The following ADAMTS16 variants were observed in gnomAD, a reference collection of about 807,000 sequenced individuals.
ADAMTS16 encodes A disintegrin and metalloproteinase with thrombospondin motifs 16.
ADAMTS16 carries 94 observed loss-of-function variants against 145.8 expected under a neutral mutation model. The observed-to-expected ratio is 0.64, with a 90% CI of 0.55 to 0.77. The LOEUF (loss-of-function observed/expected upper bound fraction) is 0.77, where lower values mean the gene tolerates loss of function less well. Among genes scored for constraint, ADAMTS16 ranks in the 30% least tolerant of loss-of-function variants. ADAMTS16 has a pLI of 0.00. For synonymous variants in ADAMTS16, 659 were observed against 604.3 expected (o/e 1.09, Z -1.33); for missense variants, 1,585 against 1,591.5 (o/e 1.00, Z 0.07).
chr5:5,312,448 ATT>A (rs11458204), intron 21 of ADAMTS16, among the ~76,000 whole-genome samples: 27 of 134,400 alleles, frequency 2.0e-4, no homozygotes, highest in South Asian at 9.5e-4. Context: ...TGTTGTTGTT[ATT>A]TTTTTTTTTT....
chr5:5,314,767 G>A (rs1246238658), intron 21 of ADAMTS16, among the ~76,000 whole-genome samples: 3 of 152,122 alleles, frequency 2.0e-5, no homozygotes, highest in South Asian at 2.1e-4. Context: ...ATCTGGGAAC[G>A]GCACCGATTC....
chr5:5,186,765 A>C (rs1437896593), intron 5 of ADAMTS16, among the ~76,000 whole-genome samples: 2 of 152,268 alleles, frequency 1.3e-5, no homozygotes, highest in Non-Finnish European at 2.9e-5. Context: ...CAGCTGTATT[A>C]ATCACTGAAG....
chr5:5,318,775 G>T (rs954128160), intron 22 of ADAMTS16, among the ~76,000 whole-genome samples: 3 of 152,178 alleles, frequency 2.0e-5, no homozygotes, highest in African/African-American at 7.2e-5. Flanking sequence ...AGGCTCCAAT[G>T]GGTAGATGCG....
Position 5,310,986 on chromosome 5 carries a change from G to C in ADAMTS16, c.3411+4258G>C, listed in dbSNP as rs984923242. On this transcript the variant is annotated intron_variant, in intron 21 of 22. Coordinates refer to ENST00000274181, the MANE Select transcript of ADAMTS16 (RefSeq NM_139056.4). The surrounding 1 kb of genome is among the most constrained non-coding windows in gnomAD (Gnocchi z 4.3). Reference sequence around the variant, plus strand: ...AGGACCAGAGATATGTGAGCAGCAGGGGCTGGATCTCACTGAATGCCCGTG... The same window carrying C: ...AGGACCAGAGATATGTGAGCAGCAGCGGCTGGATCTCACTGAATGCCCGTG... Among the ~76,000 whole-genome samples, 2 of 152,014 alleles carry C rather than the reference G, an allele frequency of 1.3e-5. No individual in the cohort carries two copies. Among genetic ancestry groups the C allele is most frequent in the Admixed American group, 6.6e-5 (1 of 15,258 alleles).
At chr5:5,253,965 A>AGCTTG (rs1737706322) in intron 17 of ADAMTS16, among the ~76,000 whole-genome samples, 1 of 152,168 alleles carries the variant, frequency 6.6e-6, no homozygotes, top group Admixed American at 6.5e-5. Flanking sequence ...CCCAGGAAAG[A>AGCTTG]GCTTGTGTCT....
chr5:5,182,258 G>T lies in ADAMTS16; in HGVS notation c.716G>T (p.Arg239Leu), dbSNP rs747859566. The change falls in exon 4 of 23, where the codon CGC becomes CTC. Residue 239 changes from arginine to leucine, a missense_variant. Arg to Leu is a moderately radical substitution (Grantham distance 102). This residue lies in a region of ADAMTS16 where 453 missense variants were observed against 412.1 expected (regional missense o/e 1.10). Transcript: ENST00000274181. ...CAACCCCTGCACAGCAGCGACCTTC[G>T]CCTGGGACTGCCACAAAAGCAGCAT... ...AHQPLHSSDL[R>L]LGLPQKQHFC... The T allele has an allele frequency of 1.2e-6, 2 of 1,613,814 alleles. No individual in the cohort carries two copies. Among genetic ancestry groups the T allele is most frequent in the Non-Finnish European group, 1.7e-6 (2 of 1,179,802 alleles).
At chr5:5,227,086 G>T (rs1736787150) in intron 11 of ADAMTS16, among the ~76,000 whole-genome samples, 1 of 152,244 alleles carries the variant, frequency 6.6e-6, no homozygotes, top group African/African-American at 2.4e-5. Flanking sequence ...ACTCATTCTG[G>T]TAGTTTCTAT....
chr5:5,319,029 T>C lies in ADAMTS16; in HGVS notation c.3566T>C (p.Phe1189Ser). The C allele has an allele frequency of 6.2e-7, 1 of 1,611,438 alleles. No homozygotes were observed. The highest frequency in any genetic ancestry group is 8.5e-7 in the Non-Finnish European group (1 of 1,178,718). The change falls in exon 23 of 23, where the codon TTC (phenylalanine) becomes TCC (serine). Residue 1189 changes from phenylalanine (F) to serine (S), a missense_variant. This residue lies in a region of ADAMTS16 where 834 missense variants were observed against 811.7 expected (regional missense o/e 1.03). Coordinates refer to ENST00000274181, the MANE Select transcript of ADAMTS16 (RefSeq NM_139056.4). ...FCPIAEKKDA[F>S]CKDYFHWCYL... ...CAGCTCTGCTCATTTTCAGATGCCT[T>C]CTGCAAAGACTACTTCCACTGGTGC...
intron 6 of ADAMTS16, 59 bp from the exon 7 acceptor site, chr5:5,189,912 C>A: frequency 1.3e-6 from 2 of 1,585,078 alleles, no homozygotes; most frequent in South Asian, 2.3e-5. Context: ...GATGACAATG[C>A]ATTATAACAT....
At chr5:5,177,764 T>C (rs1735239268) in intron 3 of ADAMTS16, among the ~76,000 whole-genome samples, 1 of 152,096 alleles carries the variant, frequency 6.6e-6, no homozygotes, top group Admixed American at 6.6e-5. Context: ...GGAGAAAAGA[T>C]GGAGGAGAGT....
chr5:5,273,853 T>G (rs773673806), intron 18 of ADAMTS16, among the ~76,000 whole-genome samples: 1 of 152,176 alleles, frequency 6.6e-6, no homozygotes, highest in Non-Finnish European at 1.5e-5. Context: ...AAAAGGAACA[T>G]AGAAACCATT....
Position 5,190,051 on chromosome 5 carries a change from T to C in ADAMTS16, c.1128T>C (p.Asp376=), listed in dbSNP as rs1296217927. 8 of 1,613,414 alleles carry C rather than the reference T, an allele frequency of 5.0e-6. No individual in the cohort carries two copies. Among genetic ancestry groups the C allele is most frequent in the African/African-American group, 1.3e-5 (1 of 74,916 alleles). Residue 376 remains aspartate (D), a synonymous_variant, in exon 7 of 23, where the codon GAT becomes GAC. Coordinates refer to ENST00000274181, the MANE Select transcript of ADAMTS16 (RefSeq NM_139056.4). ...GGCAGTCTGGATTGATGGGGAAAGA[T>C]GGGACTCGTCATGACCACGCCATCT... The part of the protein sequence containing the change: ...CQWQSGLMGK[D]GTRHDHAILL...
chr5:5,172,975 C>T (rs548548073), intron 3 of ADAMTS16, among the ~76,000 whole-genome samples: 4 of 152,098 alleles, frequency 2.6e-5, no homozygotes, highest in South Asian at 2.1e-4. Flanking sequence ...TATATAATGA[C>T]CTTCTTTATC....
intron 17 of ADAMTS16, among the ~76,000 whole-genome samples, chr5:5,261,789 A>G (rs1738044661): frequency 6.6e-6 from 1 of 152,168 alleles, no homozygotes; most frequent in Non-Finnish European, 1.5e-5. Flanking sequence ...GAAATTTGCT[A>G]TTCTCACCAT....
chr5:5,187,560 C>A (rs922910188), intron 5 of ADAMTS16, among the ~76,000 whole-genome samples, 165 bp from the exon 6 acceptor site: 16 of 152,190 alleles, frequency 1.1e-4, no homozygotes, highest in African/African-American at 3.6e-4. Context: ...GCTGAAGCTT[C>A]GGCTTTTTAC....
intron 9 of ADAMTS16, among the ~76,000 whole-genome samples, chr5:5,206,167 C>T: frequency 6.6e-6 from 1 of 151,516 alleles, no homozygotes; most frequent in Non-Finnish European, 1.5e-5. Flanking sequence ...TGGCTCACGG[C>T]TGTAATCCCA....
Position 5,318,294 on chromosome 5 carries a change from G to A in ADAMTS16, c.3559+13G>A, listed in dbSNP as rs1734140474. ...GCAGAGAAGAAAGGTGAGTACATGGGGCCCCTCAGCATGACCTGGGCATGG... is the reference window on the plus strand; with the variant it reads ...GCAGAGAAGAAAGGTGAGTACATGGAGCCCCTCAGCATGACCTGGGCATGG... On this transcript the variant is annotated intron_variant, in intron 22 of 22. Transcript: ENST00000274181. The A allele has an allele frequency of 2.8e-6, 4 of 1,427,454 alleles. No homozygotes were observed. The highest frequency in any genetic ancestry group is 3.7e-6 in the Non-Finnish European group (4 of 1,077,392). 88.4% of individuals were successfully genotyped at this position (1,427,454 alleles called of 1,614,324 possible).
At chr5:5,261,861 A>G (rs983170548) in intron 17 of ADAMTS16, among the ~76,000 whole-genome samples, 17 of 152,206 alleles carry the variant, frequency 1.1e-4, no homozygotes, top group African/African-American at 4.1e-4. Flanking sequence ...CATCACCACC[A>G]TCATCTCCAG....
At chr5:5,191,895 A>G (rs1735671467) in intron 8 of ADAMTS16, 105 bp downstream of exon 8, 1 of 805,374 alleles carries the variant, frequency 1.2e-6, no homozygotes, top group African/African-American at 1.7e-5. Context: ...GGGAATTCAC[A>G]TATATCCAAC....
Sources: allele counts gnomAD v4.1 joint callset (sites outside exome capture counted in the v4.1 genomes callset), GRCh38; gene constraint gnomAD v4.1.1; regional missense constraint gnomAD v4.1.1; non-coding constraint Gnocchi (gnomAD v3.1); transcripts MANE v1.5; gene names NCBI Gene and HGNC (gene_info 2026-07-23, HGNC 2026-07-21).